The following MSL2 variants were observed in gnomAD, a reference collection of about 807,000 sequenced individuals.
The protein encoded by MSL2 is E3 ubiquitin-protein ligase MSL2.
Under a neutral mutation model 35.8 loss-of-function variants are expected in MSL2, and 2 were observed. The ratio of observed to expected loss-of-function variants is 0.06; its 90% CI spans 0.02 to 0.18. MSL2 has a LOEUF of 0.18. Among genes scored for constraint, MSL2 ranks in the 10% least tolerant of loss-of-function variants. MSL2 has a pLI of 1.00. For missense variants in MSL2, 523 were observed against 706.7 expected (o/e 0.74, Z 2.95); for synonymous variants, 296 against 255.7 (o/e 1.16, Z -1.50).
chr3:136,161,492 A>G (rs761653672), intron 1 of MSL2, among the ~76,000 whole-genome samples: 68 of 152,366 alleles, frequency 4.5e-4, no homozygotes, highest in Non-Finnish European at 8.4e-4. Flanking sequence ...TGAGTAGATA[A>G]ACAAAATGTA....
chr3:136,194,290 CCCA>C (rs1317750314), intron 1 of MSL2: 4 of 368,056 alleles, frequency 1.1e-5, no homozygotes, highest in African/African-American at 2.2e-5. Flanking sequence ...AAGTATCCTA[CCCA>C]CCACGAGTTA....
chr3:136,188,370 G>A (rs111247900), intron 1 of MSL2, among the ~76,000 whole-genome samples: 8,988 of 151,350 alleles, frequency 0.059, 296 homozygotes, highest in South Asian at 0.073. Flanking sequence ...TGAAGCAGAG[G>A]TTGCAGTGAG....
chr3:136,149,933 T>C lies in MSL2; in HGVS notation c.*1214A>G, dbSNP rs1418146303. 6.6e-6 allele frequency: 1 copy of C among 152,638 alleles called. No homozygotes were observed. The highest frequency in any genetic ancestry group is 6.5e-5 in the Admixed American group (1 of 15,282). The allele number at this position is 152,638 out of a possible 1,614,324, so 9.5% of individuals were successfully genotyped here. A position where few individuals can be genotyped will look rare whatever the true frequency, so the allele number is the denominator to read the frequency against. ...TATTTCATTACACCTAGTCAGTCCT[T>C]GTTTTATTTGGGCTGTGCTCTTTCA... On this transcript the variant is annotated 3_prime_UTR_variant, in exon 2 of 2. Coordinates refer to ENST00000309993, the MANE Select transcript of MSL2 (RefSeq NM_018133.4).
intron 1 of MSL2, among the ~76,000 whole-genome samples, chr3:136,190,875 G>T (rs750342289): frequency 6.6e-6 from 1 of 152,118 alleles, no homozygotes; most frequent in Non-Finnish European, 1.5e-5. Flanking sequence ...CAGTTTCTGT[G>T]GCCTAGAAAG....
intron 1 of MSL2, among the ~76,000 whole-genome samples, chr3:136,173,191 G>A (rs898744732): frequency 5.3e-5 from 8 of 152,114 alleles, no homozygotes; most frequent in Admixed American, 2.6e-4. Flanking sequence ...AACAAAAGAA[G>A]GTGGAACATA....
intron 1 of MSL2, among the ~76,000 whole-genome samples, chr3:136,185,561 C>G (rs1384500939): frequency 6.7e-6 from 1 of 149,592 alleles, no homozygotes; most frequent in Non-Finnish European, 1.5e-5. Flanking sequence ...GGGGAAGGGA[C>G]AGAGTCTCAC....
At chr3:136,170,918 C>A (rs115068496) in intron 1 of MSL2, among the ~76,000 whole-genome samples, 3,827 of 152,050 alleles carry the variant, frequency 0.025, 171 homozygotes, top group African/African-American at 0.088. Context: ...GGTAGCAGAA[C>A]CCTAACAATG....
At chr3:136,158,614 G>A (rs967985451) in intron 1 of MSL2, among the ~76,000 whole-genome samples, 3 of 151,942 alleles carry the variant, frequency 2.0e-5, no homozygotes, top group South Asian at 4.1e-4. Context: ...AGCTGGTGCA[G>A]TAAGGTTCAA....
intron 1 of MSL2, chr3:136,152,971 GTCTC>G: frequency 1.0e-6 from 1 of 985,332 alleles, no homozygotes; most frequent in Non-Finnish European, 1.2e-6. Flanking sequence ...TTGATTCTGT[GTCTC>G]TCTCCCCAAG....
At position 136,151,807 on chromosome 3, in the gene MSL2, A is replaced by T; in HGVS notation, c.1074T>A (p.Ser358=). ...DSEKVQPLPI[S]TIIRGPTLGA... is the part of the protein sequence containing the mutation. Reference sequence around the variant, plus strand: ...CCAGTGTTGGGCCTCGGATAATGGTAGAAATTGGAAGTGGCTGAACTTTCT... The same window carrying T: ...CCAGTGTTGGGCCTCGGATAATGGTTGAAATTGGAAGTGGCTGAACTTTCT... Residue 358 remains serine (S), a synonymous_variant, in exon 2 of 2, where the codon TCT becomes TCA. Coordinates refer to ENST00000309993, the MANE Select transcript of MSL2 (RefSeq NM_018133.4). This position sits in a 1 kb window ranked among gnomAD's most constrained non-coding sequence, Gnocchi z 5.2. 6.2e-7 allele frequency: 1 copy of T among 1,614,202 alleles called. No homozygotes were observed. Among genetic ancestry groups the T allele is most frequent in the East Asian group, 2.2e-5 (1 of 44,882 alleles).
At chr3:136,163,245 C>G (rs941977018) in intron 1 of MSL2, among the ~76,000 whole-genome samples, 1 of 152,086 alleles carries the variant, frequency 6.6e-6, no homozygotes, top group Non-Finnish European at 1.5e-5. Context: ...GGCAACAGAG[C>G]GAGACTCCGT....
intron 1 of MSL2, among the ~76,000 whole-genome samples, chr3:136,156,541 G>A (rs1324161659): frequency 1.3e-5 from 2 of 152,168 alleles, no homozygotes. Flanking sequence ...AAAAAATTAT[G>A]CCTCAATATC....
At chr3:136,168,034 C>T (rs577363268) in intron 1 of MSL2, among the ~76,000 whole-genome samples, 3 of 152,176 alleles carry the variant, frequency 2.0e-5, no homozygotes, top group East Asian at 1.9e-4. Context: ...TCCCAAAAAA[C>T]GGACCCACAC....
At chr3:136,178,111 T>C (rs1242468661) in intron 1 of MSL2, among the ~76,000 whole-genome samples, 1 of 152,244 alleles carries the variant, frequency 6.6e-6, no homozygotes, top group Non-Finnish European at 1.5e-5. Flanking sequence ...CATATTCATA[T>C]ACTCAAGCCA....
chr3:136,188,070 T>C (rs1940573282), intron 1 of MSL2, among the ~76,000 whole-genome samples: 1 of 152,220 alleles, frequency 6.6e-6, no homozygotes, highest in African/African-American at 2.4e-5. Flanking sequence ...ACAAGAGCTC[T>C]TCATTCCAGG....
At chr3:136,169,483 C>G (rs1395391628) in intron 1 of MSL2, among the ~76,000 whole-genome samples, 1 of 152,116 alleles carries the variant, frequency 6.6e-6, no homozygotes, top group Non-Finnish European at 1.5e-5. Flanking sequence ...CAGTCTCACT[C>G]TGTCACCTAG....
At chr3:136,188,654 G>C (rs990233022) in intron 1 of MSL2, among the ~76,000 whole-genome samples, 1 of 150,482 alleles carries the variant, frequency 6.6e-6, no homozygotes. Context: ...AGGACGATGA[G>C]GTGGGAGGAC....
chr3:136,184,748 AAAG>A (rs1216307698), intron 1 of MSL2, among the ~76,000 whole-genome samples: 102 of 80,716 alleles, frequency 1.3e-3, no homozygotes, highest in African/African-American at 5.0e-3. Flanking sequence ...AAAAAAAAAA[AAAG>A]GGGGGGGGGG....
At chr3:136,160,528 A>C (rs1439313993) in intron 1 of MSL2, among the ~76,000 whole-genome samples, 5 of 151,774 alleles carry the variant, frequency 3.3e-5, no homozygotes, top group African/African-American at 1.2e-4. Context: ...TGGCCAACAC[A>C]GTAAAACCCC....
Sources: allele counts gnomAD v4.1 joint callset (sites outside exome capture counted in the v4.1 genomes callset), GRCh38; gene constraint gnomAD v4.1.1; non-coding constraint Gnocchi (gnomAD v3.1); transcripts MANE v1.5; gene names NCBI Gene and HGNC (gene_info 2026-07-23, HGNC 2026-07-21).